Variants in ATP10A observed in about 807,000 individuals in gnomAD.
ATP10A encodes the protein phospholipid-transporting ATPase VA.
A neutral mutation model predicts 147.8 loss-of-function variants in ATP10A; 111 were observed. The ratio of observed to expected loss-of-function variants is 0.75; its 90% confidence interval spans 0.64 to 0.88. ATP10A has a LOEUF of 0.88. ATP10A is among the 40% of genes least tolerant of loss of function. ATP10A has a pLI of 0.00. For synonymous variants in ATP10A, 875 were observed against 841.6 expected, an observed-to-expected ratio of 1.04 and a Z score of -0.69; for missense variants, 1,927 against 1,959.0, an observed-to-expected ratio of 0.98 and a Z score of 0.31.
intron 1 of ATP10A, chr15:25,841,717 G>A (rs1017435175): frequency 5.9e-5 from 9 of 152,134 alleles, no homozygotes; most frequent in Admixed American, 4.6e-4. Context: ...TTATTCAGAT[G>A]TTCCTTGATA....
At chr15:25,842,117 C>G (rs940434460) in intron 1 of ATP10A, among the ~76,000 whole-genome samples, 1 of 152,162 alleles carries the variant, frequency 6.6e-6, no homozygotes, top group Non-Finnish European at 1.5e-5. Context: ...CTGGAGCCAC[C>G]GGATAGGGAG....
At chr15:25,845,318 GTGTT>G (rs1267203256) in intron 1 of ATP10A, among the ~76,000 whole-genome samples, 2 of 86,236 alleles carry the variant, frequency 2.3e-5, no homozygotes, top group African/African-American at 8.2e-5. Context: ...GACCGTTTGT[GTGTT>G]TGTGTGTGTG....
chr15:25,770,510 T>C (rs1356778030), intron 2 of ATP10A, among the ~76,000 whole-genome samples: 1 of 152,124 alleles, frequency 6.6e-6, no homozygotes, highest in African/African-American at 2.4e-5. Context: ...ACTAAATGAA[T>C]GAGGGCCTCA....
upstream of ATP10A, among the ~76,000 whole-genome samples, chr15:25,864,613 G>C (rs1476019104): frequency 6.6e-6 from 1 of 152,200 alleles, no homozygotes; most frequent in Admixed American, 6.5e-5. Context: ...GTGGTGACAG[G>C]TGTGAAGAAA....
intron 5 of ATP10A, among the ~76,000 whole-genome samples, chr15:25,724,808 A>G (rs1405677522): frequency 2.6e-5 from 4 of 152,264 alleles, no homozygotes; most frequent in African/African-American, 9.6e-5. Flanking sequence ...AAATAACATT[A>G]CAGTCAGCTC....
chr15:25,698,517 T>C (rs1414776617), intron 13 of ATP10A, among the ~76,000 whole-genome samples: 4 of 147,296 alleles, frequency 2.7e-5, no homozygotes, highest in Admixed American at 2.7e-4. Flanking sequence ...TGACTATTTG[T>C]TATCAGTAAG....
chr15:25,799,900 G>T (rs760751108), intron 1 of ATP10A, among the ~76,000 whole-genome samples: 1 of 152,036 alleles, frequency 6.6e-6, no homozygotes, highest in Non-Finnish European at 1.5e-5. Context: ...TCTCTTCCTG[G>T]CCAACAACAA....
intron 1 of ATP10A, among the ~76,000 whole-genome samples, chr15:25,805,267 C>G (rs1303875255): frequency 6.6e-6 from 1 of 152,256 alleles, no homozygotes; most frequent in East Asian, 1.9e-4. Flanking sequence ...GGCAGCCGGT[C>G]CCTCCAAGGG....
intron 1 of ATP10A, among the ~76,000 whole-genome samples, chr15:25,817,228 G>A (rs1386086709): frequency 3.9e-5 from 6 of 152,096 alleles, no homozygotes; most frequent in Non-Finnish European, 5.9e-5. Context: ...GATTACAGGC[G>A]CCCGCCACCA....
chr15:25,706,138 C>T (rs1475803551), intron 12 of ATP10A, among the ~76,000 whole-genome samples: 2 of 152,136 alleles, frequency 1.3e-5, no homozygotes, highest in Non-Finnish European at 2.9e-5. Flanking sequence ...GCAAGGAATC[C>T]CTGTGAAAAA....
intron 1 of ATP10A, among the ~76,000 whole-genome samples, chr15:25,797,350 T>C (rs1268632787): frequency 6.6e-6 from 1 of 152,190 alleles, no homozygotes. Context: ...TCTTTGTGAA[T>C]AAGGACTCCT....
intron 3 of ATP10A, among the ~76,000 whole-genome samples, chr15:25,731,993 C>T (rs1028891362): frequency 6.6e-6 from 1 of 152,072 alleles, no homozygotes; most frequent in Non-Finnish European, 1.5e-5. Flanking sequence ...GTTTCTGTGA[C>T]TACAGGTGTG....
intron 1 of ATP10A, among the ~76,000 whole-genome samples, chr15:25,797,787 G>A (rs1890748094): frequency 6.6e-6 from 1 of 152,066 alleles, no homozygotes; most frequent in Non-Finnish European, 1.5e-5. Context: ...TGGGGGGTGA[G>A]GGTGGGGAGA....
intron 7 of ATP10A, among the ~76,000 whole-genome samples, chr15:25,719,538 G>A (rs893492423): frequency 6.6e-5 from 10 of 152,210 alleles, no homozygotes; most frequent in African/African-American, 2.4e-4. Flanking sequence ...GGCTTCAGCT[G>A]CCAAGAAAGT....
intron 17 of ATP10A, among the ~76,000 whole-genome samples, chr15:25,682,613 G>C (rs1350182160): frequency 2.0e-5 from 3 of 152,230 alleles, no homozygotes; most frequent in African/African-American, 4.8e-5. Context: ...AACAAGCAGA[G>C]GCCCTGCTCC....
intron 2 of ATP10A, 71 bp downstream of exon 2, chr15:25,780,948 C>A (rs1889888973): frequency 1.3e-6 from 2 of 1,502,290 alleles, no homozygotes; most frequent in South Asian, 1.2e-5. Flanking sequence ...TGCTCTGAGC[C>A]CCAGAAGGCT....
chr15:25,752,198 G>T (rs1888189722), intron 2 of ATP10A, among the ~76,000 whole-genome samples: 1 of 152,114 alleles, frequency 6.6e-6, no homozygotes, highest in Non-Finnish European at 1.5e-5. Flanking sequence ...TTGCCAAAGA[G>T]ATGTCTGCAC....
chr15:25,716,174 G>A (rs1475760532), intron 9 of ATP10A, among the ~76,000 whole-genome samples: 3 of 152,164 alleles, frequency 2.0e-5, no homozygotes, highest in Admixed American at 1.3e-4. Flanking sequence ...CGGCCCAGGC[G>A]GGCACCCCAG....
intron 1 of ATP10A, among the ~76,000 whole-genome samples, chr15:25,804,130 T>G: frequency 7.5e-6 from 1 of 133,142 alleles, no homozygotes. Flanking sequence ...GGTGTGTGTG[T>G]GAGGTGTAAT....
Sources: gnomAD v4.1 joint callset for allele counts (sites outside exome capture counted in the v4.1 genomes callset) on GRCh38, gnomAD v4.1.1 for gene constraint, MANE v1.5 for transcripts, NCBI Gene and HGNC (gene_info 2026-07-23, HGNC 2026-07-21) for gene names.